The following SMARCC1 variants were observed in gnomAD, a reference collection of about 807,000 sequenced individuals.
SMARCC1 encodes the protein SWI/SNF related BAF chromatin remodeling complex subunit C1.
In SMARCC1, 43 loss-of-function variants were observed where a neutral mutation model predicts 147.4. The ratio of observed to expected loss-of-function variants is 0.29; its 90% CI spans 0.23 to 0.38. SMARCC1 has a LOEUF of 0.38. Among genes scored for constraint, SMARCC1 ranks in the 10% least tolerant of loss-of-function variants. The pLI is 1.00. For missense variants in SMARCC1, 1,119 were observed against 1,381.1 expected (o/e 0.81, Z 3.01); for synonymous variants, 495 against 484.4 (o/e 1.02, Z -0.29).
intron 5 of SMARCC1, among the ~76,000 whole-genome samples, chr3:47,735,271 G>A (rs763457218): frequency 5.3e-5 from 8 of 151,942 alleles, no homozygotes; most frequent in South Asian, 2.1e-4. Context: ...TAAGACTAAC[G>A]ACTCCATAGC....
chr3:47,744,164 C>CT (rs1219632758), intron 3 of SMARCC1, among the ~76,000 whole-genome samples: 13 of 151,378 alleles, frequency 8.6e-5, no homozygotes, highest in South Asian at 2.1e-4. Flanking sequence ...TAGTCAATAT[C>CT]TTTTTTTTTG....
At chr3:47,772,703 T>C in intron 2 of SMARCC1, 114 bp downstream of exon 2, 2 of 481,998 alleles carry the variant, frequency 4.1e-6, no homozygotes, top group Non-Finnish European at 6.2e-6. Context: ...TGTTTTTTGC[T>C]TTTTTTTTTT....
At chr3:47,681,685 A>G (rs1369100657) in intron 14 of SMARCC1, among the ~76,000 whole-genome samples, 2 of 152,174 alleles carry the variant, frequency 1.3e-5, no homozygotes, top group Non-Finnish European at 2.9e-5. Flanking sequence ...ATTTGGTAAC[A>G]TTTAAATTAA....
At chr3:47,680,977 G>C (rs1438541336) in intron 14 of SMARCC1, among the ~76,000 whole-genome samples, 1 of 152,138 alleles carries the variant, frequency 6.6e-6, no homozygotes, top group Non-Finnish European at 1.5e-5. Context: ...ATACAAAAAA[G>C]TTAAGGAAAG....
At chr3:47,703,958 G>A (rs1178261338) in intron 10 of SMARCC1, among the ~76,000 whole-genome samples, 4 of 151,928 alleles carry the variant, frequency 2.6e-5, no homozygotes, top group East Asian at 1.9e-4. Context: ...CACCACACCC[G>A]GCTAATTTTT....
chr3:47,663,626 G>A (rs1053507773), intron 19 of SMARCC1: 9 of 1,505,200 alleles, frequency 6.0e-6, no homozygotes, highest in Middle Eastern at 1.8e-4. Flanking sequence ...TGGCGACTCC[G>A]GCCCTGTGAT....
chr3:47,682,903 G>A (rs2033672634), intron 14 of SMARCC1, among the ~76,000 whole-genome samples: 1 of 152,158 alleles, frequency 6.6e-6, no homozygotes, highest in African/African-American at 2.4e-5. Flanking sequence ...AAGATAACAA[G>A]ACTGAGACAC....
At chr3:47,650,431 A>C (rs1359911028) in intron 21 of SMARCC1, among the ~76,000 whole-genome samples, 1 of 151,938 alleles carries the variant, frequency 6.6e-6, no homozygotes, top group African/African-American at 2.4e-5. Context: ...GTTTGCTGTA[A>C]GTAAACAAAC....
chr3:47,766,577 C>T (rs578000907), intron 2 of SMARCC1, among the ~76,000 whole-genome samples: 1 of 151,140 alleles, frequency 6.6e-6, no homozygotes, highest in South Asian at 2.1e-4. Flanking sequence ...GACCCTGTCT[C>T]AAAAAAAGAA....
intron 16 of SMARCC1, among the ~76,000 whole-genome samples, chr3:47,677,615 G>A (rs1486333176): frequency 1.3e-5 from 2 of 151,028 alleles, no homozygotes; most frequent in South Asian, 2.1e-4. Context: ...GCAGTGGGAC[G>A]ATCTCAGCTC....
In SMARCC1 at chr3:47,738,067, C is replaced by G; in HGVS notation, c.445G>C (p.Val149Leu). 6.2e-7 allele frequency: 1 copy of G among 1,600,074 alleles called. No homozygotes were observed. Among genetic ancestry groups the G allele is most frequent in the Non-Finnish European group, 8.5e-7 (1 of 1,174,006 alleles). Residue 149 changes from valine (V) to leucine (L), a missense_variant, in exon 4 of 28, where the codon GTG (valine) becomes CTG (leucine). By Grantham distance (32) the Val-to-Leu change is conservative. This residue lies in a region of SMARCC1 where 542 missense variants were observed against 611.8 expected (regional missense o/e 0.89). Coordinates refer to ENST00000254480, the MANE Select transcript of SMARCC1 (RefSeq NM_003074.4). ...LQNPSRMDRN[V>L]EMFMNIEKTL... The stretch of plus-strand genomic sequence containing the variant: ...TTTTCAATGTTCATAAACATTTCCA[C>G]ATTACGATCCATTCGAGATGGGTTC...
At chr3:47,678,590 C>T (rs2033600871) in intron 15 of SMARCC1, among the ~76,000 whole-genome samples, 1 of 152,174 alleles carries the variant, frequency 6.6e-6, no homozygotes, top group Non-Finnish European at 1.5e-5. Context: ...TAGTTAACTG[C>T]AGAATTGGAA....
chr3:47,646,653 G>T (rs1051491679), intron 21 of SMARCC1, among the ~76,000 whole-genome samples: 2 of 152,196 alleles, frequency 1.3e-5, no homozygotes, highest in African/African-American at 4.8e-5. Context: ...TAATAATCAT[G>T]AATTACGACT....
intron 8 of SMARCC1, 97 bp from the exon 9 acceptor site, chr3:47,710,905 C>T: frequency 2.3e-6 from 2 of 882,712 alleles, no homozygotes; most frequent in Non-Finnish European, 1.7e-6. Flanking sequence ...ATTTTCAAAG[C>T]CTCAAATGCA....
chr3:47,703,080 A>G (rs1030338249), intron 10 of SMARCC1, among the ~76,000 whole-genome samples: 1 of 152,044 alleles, frequency 6.6e-6, no homozygotes, highest in African/African-American at 2.4e-5. Context: ...AGGGCGCTCA[A>G]TCACGCACCG....
chr3:47,590,970 G>A, intron 26 of SMARCC1, 133 bp from the exon 27 acceptor site: 4 of 783,612 alleles, frequency 5.1e-6, no homozygotes, highest in Non-Finnish European at 8.0e-6. Flanking sequence ...GCAATAATCT[G>A]TAATAATCTC....
chr3:47,619,415 A>G (rs949915815), intron 25 of SMARCC1, among the ~76,000 whole-genome samples: 3 of 152,204 alleles, frequency 2.0e-5, no homozygotes, highest in African/African-American at 7.2e-5. Context: ...ATGCGAACCC[A>G]TGAACTGGTG....
chr3:47,693,739 T>C (rs182495812), intron 11 of SMARCC1, among the ~76,000 whole-genome samples: 61 of 152,354 alleles, frequency 4.0e-4, no homozygotes, highest in Admixed American at 1.0e-3. Flanking sequence ...CATGGCTCAC[T>C]GCAGCCTTGA....
intron 25 of SMARCC1, among the ~76,000 whole-genome samples, chr3:47,616,131 GC>G (rs1185940572): frequency 6.6e-6 from 1 of 152,148 alleles, no homozygotes; most frequent in Non-Finnish European, 1.5e-5. Context: ...AATGTAAACG[GC>G]TTATGTGGGG....
Sources: gnomAD v4.1 joint callset for allele counts (sites outside exome capture counted in the v4.1 genomes callset) on GRCh38, gnomAD v4.1.1 for gene constraint, gnomAD v4.1.1 regional missense constraint, MANE v1.5 for transcripts, NCBI Gene and HGNC (gene_info 2026-07-23, HGNC 2026-07-21) for gene names.